TEAD1: variants seen among roughly 807,000 people sequenced by gnomAD.
TEAD1 encodes TEA domain transcription factor 1, also known as transcriptional enhancer factor TEF-1.
A neutral mutation model predicts 54.9 loss-of-function variants in TEAD1; 9 were observed. That is an observed-to-expected ratio of 0.16 (90% CI 0.10 to 0.29). The LOEUF (loss-of-function observed/expected upper bound fraction) is 0.29. TEAD1 is among the 10% of genes least tolerant of loss of function. The probability of loss-of-function intolerance (pLI) is 1.00; values close to 1 mark genes in which losing one functional copy is unlikely to be tolerated. For missense variants in TEAD1, 387 were observed against 535.9 expected, an observed-to-expected ratio of 0.72 and a Z score of 2.74; for synonymous variants, 200 against 187.8, an observed-to-expected ratio of 1.07 and a Z score of -0.53.
chr11:12,877,812 T>TC (rs996145525), intron 5 of TEAD1, among the ~76,000 whole-genome samples: 8 of 150,006 alleles, frequency 5.3e-5, no homozygotes, highest in African/African-American at 2.0e-4. Context: ...TCTTTTTTTT[T>TC]CTGATGGAGT....
intron 2 of TEAD1, among the ~76,000 whole-genome samples, chr11:12,732,126 T>C (rs1466534302): frequency 6.6e-6 from 1 of 152,206 alleles, no homozygotes; most frequent in African/African-American, 2.4e-5. Context: ...TCTATCCTTA[T>C]TAAATTTCGA....
chr11:12,739,887 T>G (rs1944617474), intron 2 of TEAD1, among the ~76,000 whole-genome samples: 1 of 152,152 alleles, frequency 6.6e-6, no homozygotes, highest in Non-Finnish European at 1.5e-5. Flanking sequence ...TAAACAGTAT[T>G]AGTGAAAGAG....
At chr11:12,753,877 C>T (rs553256826) in intron 2 of TEAD1, among the ~76,000 whole-genome samples, 1 of 152,096 alleles carries the variant, frequency 6.6e-6, no homozygotes, top group Non-Finnish European at 1.5e-5. Context: ...TTTTTACTTT[C>T]AGATCTAAAG....
intron 3 of TEAD1, among the ~76,000 whole-genome samples, chr11:12,785,104 G>T (rs1406260572): frequency 3.3e-5 from 5 of 152,174 alleles, no homozygotes; most frequent in African/African-American, 1.2e-4. Flanking sequence ...CTAATGTGAG[G>T]ATGTTTCTGA....
At chr11:12,870,661 A>G (rs1162415348) in intron 5 of TEAD1, among the ~76,000 whole-genome samples, 1 of 152,134 alleles carries the variant, frequency 6.6e-6, no homozygotes, top group African/African-American at 2.4e-5. Flanking sequence ...CGAGATGGGC[A>G]GATTGCCTGA....
At chr11:12,715,984 AAG>A (rs1033354865) in intron 2 of TEAD1, among the ~76,000 whole-genome samples, 2 of 152,072 alleles carry the variant, frequency 1.3e-5, no homozygotes, top group Admixed American at 1.3e-4. Context: ...AATCTTGGCC[AAG>A]GAATCATTTC....
intron 2 of TEAD1, among the ~76,000 whole-genome samples, chr11:12,729,013 T>G (rs1944368870): frequency 6.6e-6 from 1 of 152,188 alleles, no homozygotes; most frequent in Non-Finnish European, 1.5e-5. Flanking sequence ...CTTACATTGT[T>G]TTTAGCTGAA....
At chr11:12,868,029 A>G (rs780714389) in intron 5 of TEAD1, among the ~76,000 whole-genome samples, 19 of 152,210 alleles carry the variant, frequency 1.2e-4, no homozygotes, top group Non-Finnish European at 1.8e-4. Flanking sequence ...ACAAAGGTCT[A>G]TGGTCCTCAT....
chr11:12,710,197 A>G (rs1223973460), intron 2 of TEAD1, among the ~76,000 whole-genome samples: 1 of 152,062 alleles, frequency 6.6e-6, no homozygotes, highest in East Asian at 1.9e-4. Flanking sequence ...GATGCTTCAC[A>G]CCTGTAGTCT....
chr11:12,932,239 G>A (rs150385366), intron 12 of TEAD1, among the ~76,000 whole-genome samples: 1 of 152,234 alleles, frequency 6.6e-6, no homozygotes, highest in African/African-American at 2.4e-5. Context: ...TTCAAGGTTT[G>A]CAGGACTGGC....
chr11:12,812,534 T>C (rs973463091), intron 3 of TEAD1, among the ~76,000 whole-genome samples: 5 of 152,280 alleles, frequency 3.3e-5, no homozygotes, highest in African/African-American at 1.2e-4. Flanking sequence ...CAGATTCACA[T>C]TGACACAAAT....
intron 2 of TEAD1, among the ~76,000 whole-genome samples, chr11:12,738,238 G>A (rs1407520480): frequency 3.3e-5 from 5 of 152,144 alleles, no homozygotes; most frequent in Admixed American, 6.5e-5. Context: ...TGTACCAGCT[G>A]CCTTAAAGCA....
At chr11:12,702,473 C>T (rs752311012) in intron 2 of TEAD1, among the ~76,000 whole-genome samples, 1 of 152,138 alleles carries the variant, frequency 6.6e-6, no homozygotes, top group Non-Finnish European at 1.5e-5. Flanking sequence ...AGCCTCAGGA[C>T]AATGCCGAGA....
intron 2 of TEAD1, among the ~76,000 whole-genome samples, chr11:12,743,870 G>A (rs1406112476): frequency 6.6e-6 from 1 of 152,216 alleles, no homozygotes; most frequent in East Asian, 1.9e-4. Context: ...GTTGAATAGT[G>A]AGGAGACCTT....
At chr11:12,693,098 G>A (rs868153792) in intron 2 of TEAD1, among the ~76,000 whole-genome samples, 2 of 152,288 alleles carry the variant, frequency 1.3e-5, no homozygotes, top group Middle Eastern at 6.8e-3. Flanking sequence ...TTTCTAGTGG[G>A]GACCTCTTTG....
chr11:12,732,776 G>A (rs1248828780), intron 2 of TEAD1, among the ~76,000 whole-genome samples: 1 of 152,210 alleles, frequency 6.6e-6, no homozygotes, highest in Non-Finnish European at 1.5e-5. Flanking sequence ...TGCTGGGAGA[G>A]TTGACCAGAA....
At chr11:12,842,725 A>T (rs917948044) in intron 3 of TEAD1, among the ~76,000 whole-genome samples, 2 of 151,646 alleles carry the variant, frequency 1.3e-5, no homozygotes, top group Non-Finnish European at 2.9e-5. Context: ...CAATAAGTGA[A>T]TTTTTTTTTA....
At chr11:12,928,507 C>T (rs566319852) in intron 11 of TEAD1, among the ~76,000 whole-genome samples, 5 of 152,112 alleles carry the variant, frequency 3.3e-5, no homozygotes, top group Admixed American at 2.6e-4. Flanking sequence ...TGGGCTCAAG[C>T]GATCTGCCTA....
intron 3 of TEAD1, among the ~76,000 whole-genome samples, chr11:12,833,076 C>G (rs184395678): frequency 6.6e-6 from 1 of 152,322 alleles, no homozygotes. Flanking sequence ...TATCTGATGA[C>G]ATAGTTAGTT....
Sources: gnomAD v4.1 joint callset for allele counts (sites outside exome capture counted in the v4.1 genomes callset) on GRCh38, gnomAD v4.1.1 for gene constraint, MANE v1.5 for transcripts, NCBI Gene and HGNC (gene_info 2026-07-23, HGNC 2026-07-21) for gene names.